Variants in YY1AP1 observed in about 807,000 individuals in gnomAD.
YY1AP1 encodes the protein YY1 associated protein 1, also known as YY1-associated protein 1.
YY1AP1 carries 43 observed loss-of-function variants against 39.9 expected under a neutral mutation model. That is an observed-to-expected ratio of 1.08 (90% confidence interval 0.84 to 1.39). YY1AP1 has a LOEUF of 1.39. Among genes scored for constraint, YY1AP1 ranks in the 40% most tolerant of loss-of-function variants. YY1AP1 has a pLI of 0.00. For missense variants in YY1AP1, 813 were observed against 900.7 expected, an observed-to-expected ratio of 0.90 and a Z score of 1.25; for synonymous variants, 292 against 331.3, an observed-to-expected ratio of 0.88 and a Z score of 1.29.
chr1:155,664,035 G>A (rs1473379025), intron 9 of YY1AP1, among the ~76,000 whole-genome samples: 1 of 151,150 alleles, frequency 6.6e-6, no homozygotes, highest in Non-Finnish European at 1.5e-5. Flanking sequence ...AAAATTAGCT[G>A]GGCATAGTGG....
At chr1:155,674,746 A>C (rs908023946) in intron 6 of YY1AP1, 4 of 261,702 alleles carry the variant, frequency 1.5e-5, no homozygotes, top group Admixed American at 5.0e-5. Flanking sequence ...GAATCACTTG[A>C]ACCCGGGAGG....
In YY1AP1 at chr1:155,661,424, C is replaced by T; in HGVS notation, c.880-1G>A. On this transcript the variant is annotated splice_acceptor_variant, in intron 9 of 10. Transcript: ENST00000355499. LOFTEE classifies it high-confidence loss of function. ...GCAGCTGTTTGGTCTTCTTATAAAACTTAACATGAAAAAAATGCGCATGAA... is the reference window on the plus strand; with the variant it reads ...GCAGCTGTTTGGTCTTCTTATAAAATTTAACATGAAAAAAATGCGCATGAA... The T allele has an allele frequency of 1.9e-6, 3 of 1,613,512 alleles. No individual in the cohort carries two copies. The highest frequency in any genetic ancestry group is 1.7e-6 in the Non-Finnish European group (2 of 1,179,786).
In YY1AP1 at chr1:155,687,999, C is replaced by A. The variant is rs1558321722; in HGVS notation, c.-21+72G>T. 4 of 1,479,884 alleles carry A rather than the reference C, an allele frequency of 2.7e-6. No individual in the cohort carries two copies. The East Asian group carries it at 6.9e-5, about 26-fold the overall frequency. 91.7% of individuals were successfully genotyped at this position (1,479,884 alleles called of 1,614,324 possible). On this transcript the variant is annotated intron_variant, in intron 2 of 10. Transcript: ENST00000355499. ...CCAGGTCCGGGAGATGACAGTGGCT[C>A]CCAGAAAGCCCAGGATTCAATCGCT...
At chr1:155,662,167 A>G (rs1376474523) in intron 9 of YY1AP1, among the ~76,000 whole-genome samples, 1 of 145,188 alleles carries the variant, frequency 6.9e-6, no homozygotes, top group African/African-American at 2.6e-5. Context: ...GAAGGGAAGG[A>G]AAAAAAAAAA....
intron 7 of YY1AP1, 100 bp downstream of exon 7, chr1:155,672,460 C>A (rs1317672499): frequency 2.0e-6 from 3 of 1,474,036 alleles, no homozygotes; most frequent in Non-Finnish European, 2.8e-6. Context: ...CCTGTGTCCT[C>A]CATTCCTAGG....
intron 6 of YY1AP1, among the ~76,000 whole-genome samples, chr1:155,674,276 T>C (rs1010659652): frequency 2.0e-5 from 3 of 149,890 alleles, no homozygotes; most frequent in East Asian, 2.0e-4. Flanking sequence ...GAATTCAACA[T>C]CTACATGTAT....
intron 5 of YY1AP1, among the ~76,000 whole-genome samples, chr1:155,676,140 T>A (rs752396881): frequency 6.6e-6 from 1 of 151,436 alleles, no homozygotes; most frequent in Non-Finnish European, 1.5e-5. Flanking sequence ...GAGAATGGCG[T>A]GAACCCGGGA....
At chr1:155,677,519 G>A (rs1650883129) in intron 4 of YY1AP1, among the ~76,000 whole-genome samples, 2 of 152,196 alleles carry the variant, frequency 1.3e-5, no homozygotes, top group South Asian at 4.1e-4. Context: ...GATACCCTAT[G>A]CAACAGGATA....
chr1:155,662,541 A>AC (rs35630665), intron 9 of YY1AP1, among the ~76,000 whole-genome samples: 58,151 of 151,530 alleles, frequency 0.38, 13,105 homozygotes, highest in East Asian at 0.69. Flanking sequence ...AACTTAAACC[A>AC]TGACAATAAG....
intron 2 of YY1AP1, among the ~76,000 whole-genome samples, chr1:155,686,465 C>T (rs1049469545): frequency 1.4e-4 from 21 of 152,216 alleles, no homozygotes; most frequent in Admixed American, 9.2e-4. Flanking sequence ...GGTTTTAATT[C>T]CACACTGCCT....
intron 9 of YY1AP1, among the ~76,000 whole-genome samples, chr1:155,665,627 A>AC (rs1331154891): frequency 6.6e-6 from 1 of 150,412 alleles, no homozygotes; most frequent in Non-Finnish European, 1.5e-5. Flanking sequence ...AAAACAAAAA[A>AC]CAAGGCCAGG....
At chr1:155,684,072 AC>A (rs903718733) in intron 2 of YY1AP1, among the ~76,000 whole-genome samples, 3 of 152,120 alleles carry the variant, frequency 2.0e-5, no homozygotes, top group Non-Finnish European at 4.4e-5. Flanking sequence ...ACGTGGGGAA[AC>A]CCTGTCTCAA....
chr1:155,664,844 A>C (rs1648714939), intron 9 of YY1AP1, among the ~76,000 whole-genome samples: 1 of 145,004 alleles, frequency 6.9e-6, no homozygotes, highest in Non-Finnish European at 1.5e-5. Flanking sequence ...ATCTCGGCTC[A>C]CTGCAAGCTC....
upstream of YY1AP1, chr1:155,688,988 G>T (rs1429580989): frequency 6.2e-7 from 1 of 1,603,060 alleles, no homozygotes; most frequent in Admixed American, 1.7e-5. Flanking sequence ...GGACCGCGGC[G>T]AGGGGATCGA....
intron 2 of YY1AP1, among the ~76,000 whole-genome samples, chr1:155,686,164 T>G (rs953195653): frequency 6.7e-6 from 1 of 150,012 alleles, no homozygotes; most frequent in Non-Finnish European, 1.5e-5. Flanking sequence ...CCTCCCCGAG[T>G]AGCTGGGACT....
At position 155,688,113 on chromosome 1, in the gene YY1AP1, A is replaced by G; in HGVS notation, c.-63T>C. The G allele has an allele frequency of 6.2e-7, 1 of 1,610,706 alleles. No individual in the cohort carries two copies. The highest frequency in any genetic ancestry group is 1.7e-5 in the Admixed American group (1 of 59,784). ...GCGATGAGAGTACAGGGAAGTGAGG[A>G]AGAGGGGGTGGCCGCCAGGCTCCTC... On this transcript the variant is annotated 5_prime_UTR_variant, in exon 2 of 11. Coordinates refer to ENST00000355499, the MANE Select transcript of YY1AP1 (RefSeq NM_139119.3).
intron 5 of YY1AP1, 39 bp from the exon 6 acceptor site, chr1:155,675,135 A>ATGGCAGTGATATG: frequency 6.4e-7 from 1 of 1,555,346 alleles, no homozygotes; most frequent in African/African-American, 1.4e-5. Flanking sequence ...ATATGTTATG[A>ATGGCAGTGATATG]CACTGCCATT....
At chr1:155,673,707 C>A (rs1468468050) in intron 6 of YY1AP1, among the ~76,000 whole-genome samples, 1 of 151,962 alleles carries the variant, frequency 6.6e-6, no homozygotes, top group Non-Finnish European at 1.5e-5. Context: ...CCATCCCCAG[C>A]TAATTTTTTT....
upstream of YY1AP1, chr1:155,688,806 A>G (rs1653177599): frequency 3.2e-6 from 5 of 1,553,770 alleles, no homozygotes; most frequent in East Asian, 2.4e-5. Context: ...CACAGTCCCC[A>G]CCGCGGGACT....
Sources: allele counts gnomAD v4.1 joint callset (sites outside exome capture counted in the v4.1 genomes callset), GRCh38; gene constraint gnomAD v4.1.1; transcripts MANE v1.5; gene names NCBI Gene and HGNC (gene_info 2026-07-23, HGNC 2026-07-21).